The following ATP8A1 variants were observed in gnomAD, a reference collection of about 807,000 sequenced individuals.
The protein encoded by ATP8A1 is ATPase phospholipid transporting 8A1, also known as phospholipid-transporting ATPase IA.
In ATP8A1, 90 loss-of-function variants were observed where a neutral mutation model predicts 177.7. The observed-to-expected ratio is 0.51, with a 90% CI of 0.43 to 0.60. ATP8A1 has a LOEUF of 0.60. Among genes scored for constraint, ATP8A1 ranks in the 20% least tolerant of loss-of-function variants. The pLI is 0.00. For synonymous variants in ATP8A1, 493 were observed against 485.9 expected (o/e 1.01, Z -0.19); for missense variants, 1,072 against 1,392.8 (o/e 0.77, Z 3.67).
At position 42,446,080 on chromosome 4, in the gene ATP8A1, C is replaced by CAAAAAAAAAAAAAAAAAAA. The variant is rs11311245; in HGVS notation, c.2958+484_2958+502dup. On this transcript the variant is annotated intron_variant, in intron 31 of 36. Coordinates refer to ENST00000381668, the MANE Select transcript of ATP8A1 (RefSeq NM_006095.2). Reference sequence around the variant, plus strand: ...GGGCGACAAGAGTGAAACGCCCTCTCAAAAAAAAAAAAAAAAAAAGAGAAG... The same window carrying CAAAAAAAAAAAAAAAAAAA: ...GGGCGACAAGAGTGAAACGCCCTCTCAAAAAAAAAAAAAAAAAAAAAAAAAAAAAAAAAAAAAAGAGAAG... Among the ~76,000 whole-genome samples, 5 of 63,922 alleles carry CAAAAAAAAAAAAAAAAAAA rather than the reference C, an allele frequency of 7.8e-5. 1 individual carries two copies. Among genetic ancestry groups the CAAAAAAAAAAAAAAAAAAA allele is most frequent in the Non-Finnish European group, 1.3e-4 (4 of 30,536 alleles). 41.9% of individuals were successfully genotyped at this position (63,922 alleles called of 152,430 possible).
At chr4:42,425,751 C>T (rs924404732) in intron 33 of ATP8A1, among the ~76,000 whole-genome samples, 1 of 152,124 alleles carries the variant, frequency 6.6e-6, no homozygotes, top group African/African-American at 2.4e-5. Flanking sequence ...GCAGCCTGTT[C>T]GGGCCGAGCT....
intron 36 of ATP8A1, among the ~76,000 whole-genome samples, chr4:42,413,884 A>AGCT (rs1430750005): frequency 6.6e-6 from 1 of 152,260 alleles, no homozygotes; most frequent in Non-Finnish European, 1.5e-5. Context: ...AAACACAAAT[A>AGCT]GCTGCTCATG....
intron 1 of ATP8A1, among the ~76,000 whole-genome samples, chr4:42,652,400 A>G (rs569781836): frequency 1.3e-5 from 2 of 152,312 alleles, no homozygotes; most frequent in East Asian, 3.9e-4. Context: ...CCTACTACCA[A>G]TGTTATTACT....
chr4:42,451,041 T>C (rs953231008), intron 30 of ATP8A1, among the ~76,000 whole-genome samples: 2 of 152,056 alleles, frequency 1.3e-5, no homozygotes, highest in African/African-American at 2.4e-5. Flanking sequence ...TTCGAATATC[T>C]GTGAAGAATG....
rs749835968 is a variant in ATP8A1 at position 42,579,936 on chromosome 4, T to A, written c.877A>T (p.Ile293Phe). 49 of 1,612,214 alleles carry A rather than the reference T, an allele frequency of 3.0e-5. No homozygotes were observed. The South Asian group carries it at 4.7e-4, about 16-fold the overall frequency. Reference protein sequence around the residue: ...PPLKLSNVERITNVQILILFC... With the variant: ...PPLKLSNVERFTNVQILILFC... ...AAAATCAAAATTTGTACATTTGTAA[T>A]CCGTTCCACATTTGAGAGCTTAAGT... is the stretch of plus-strand genomic sequence containing the variant. Residue 293 changes from isoleucine to phenylalanine, a missense_variant, in exon 11 of 37, where the codon ATT becomes TTT. Around this residue, in one of 5 missense-constraint regions of ATP8A1, gnomAD observed 344 missense variants for 393.5 expected, o/e 0.87. Coordinates refer to ENST00000381668, the MANE Select transcript of ATP8A1 (RefSeq NM_006095.2).
intron 24 of ATP8A1, among the ~76,000 whole-genome samples, chr4:42,488,148 A>G (rs556590064): frequency 1.8e-3 from 278 of 152,344 alleles, no homozygotes; most frequent in Admixed American, 3.7e-3. Flanking sequence ...AAATGAACAA[A>G]TAAGTCAATG....
At chr4:42,577,841 G>T (rs1355657092) in intron 12 of ATP8A1, among the ~76,000 whole-genome samples, 1 of 152,108 alleles carries the variant, frequency 6.6e-6, no homozygotes, top group Non-Finnish European at 1.5e-5. Context: ...AAAGCTCTTT[G>T]CTATGTCAAG....
At chr4:42,483,739 C>T (rs1215335747) in intron 25 of ATP8A1, among the ~76,000 whole-genome samples, 2 of 152,122 alleles carry the variant, frequency 1.3e-5, no homozygotes, top group Admixed American at 6.6e-5. Flanking sequence ...GTGGGAGGTA[C>T]TGTGTTAAGC....
intron 25 of ATP8A1, 117 bp from the exon 26 acceptor site, chr4:42,465,193 T>G: frequency 1.1e-6 from 1 of 896,660 alleles, no homozygotes; most frequent in Non-Finnish European, 1.7e-6. Context: ...TGAAGAAACC[T>G]TATGATAAAG....
At chr4:42,458,615 C>T (rs1314853408) in intron 27 of ATP8A1, among the ~76,000 whole-genome samples, 2 of 152,214 alleles carry the variant, frequency 1.3e-5, no homozygotes, top group African/African-American at 2.4e-5. Flanking sequence ...ATTCGTCTGG[C>T]TGTAATTTAC....
At chr4:42,549,407 AG>A (rs1415879954) in intron 18 of ATP8A1, among the ~76,000 whole-genome samples, 6 of 151,160 alleles carry the variant, frequency 4.0e-5, no homozygotes, top group Non-Finnish European at 8.8e-5. Flanking sequence ...AAAGTATACT[AG>A]AAAGTATGGG....
chr4:42,545,159 CAAAAAAAAA>C (rs150594728), intron 19 of ATP8A1, among the ~76,000 whole-genome samples: 1 of 83,694 alleles, frequency 1.2e-5, no homozygotes, highest in Admixed American at 1.2e-4. Context: ...GACTCCGTCT[CAAAAAAAAA>C]AAAAAAAAAA....
chr4:42,449,180 A>AGTCTC (rs1490300012), intron 30 of ATP8A1, among the ~76,000 whole-genome samples: 5 of 152,186 alleles, frequency 3.3e-5, no homozygotes, highest in African/African-American at 1.2e-4. Context: ...ATGATTCTGC[A>AGTCTC]GTCTCTGGTT....
intron 1 of ATP8A1, 108 bp downstream of exon 1, chr4:42,656,717 C>T (rs2109605145): frequency 3.1e-6 from 4 of 1,299,334 alleles, no homozygotes; most frequent in Middle Eastern, 2.0e-4. Context: ...AGTCGGACTG[C>T]CGCCGGGGAA....
rs1553883661 is a variant in ATP8A1 at position 42,480,006 on chromosome 4, G to GTGTGTGTGTGTGTGTGTGTT, written c.2324+5489_2324+5490insAACACACACACACACACACA. On this transcript the variant is annotated intron_variant, in intron 25 of 36. Transcript: ENST00000381668. ...AATCTGCAGTTCTGCTTGTGTGTGT[G>GTGTGTGTGTGTGTGTGTGTT]TGTGTGTGTGTGTGTGTGTGTGTGT... Among the ~76,000 whole-genome samples the GTGTGTGTGTGTGTGTGTGTT allele has an allele frequency of 1.3e-4, 19 of 149,652 alleles. No homozygotes were observed. In the South Asian group the frequency reaches 1.3e-3, roughly 10 times the overall value.
intron 3 of ATP8A1, 35 bp downstream of exon 3, chr4:42,625,579 T>C (rs1166295735): frequency 2.8e-6 from 4 of 1,429,092 alleles, no homozygotes; most frequent in Non-Finnish European, 2.9e-6. Flanking sequence ...TATTAGTACC[T>C]GAACATTTGA....
intron 22 of ATP8A1, among the ~76,000 whole-genome samples, chr4:42,507,762 T>TAAAAAAAAAAAAAAAA (rs1560402485): frequency 6.7e-5 from 1 of 14,878 alleles, no homozygotes; most frequent in Non-Finnish European, 1.5e-4. Flanking sequence ...AAAAGTCAGT[T>TAAAAAAAAAAAAAAAA]AAAAAGGACA....
At chr4:42,423,227 CT>C (rs1223831075) in intron 34 of ATP8A1, among the ~76,000 whole-genome samples, 1 of 151,640 alleles carries the variant, frequency 6.6e-6, no homozygotes, top group Non-Finnish European at 1.5e-5. Context: ...GTAAGGTTTT[CT>C]TTTCTTTCAT....
At chr4:42,551,071 C>A (rs1729454218) in intron 18 of ATP8A1, 127 bp downstream of exon 18, 1 of 691,456 alleles carries the variant, frequency 1.4e-6, no homozygotes. Flanking sequence ...GCTAAAAGAA[C>A]ACCCAGTAGT....
Sources: gnomAD v4.1 joint callset for allele counts (sites outside exome capture counted in the v4.1 genomes callset) on GRCh38, gnomAD v4.1.1 for gene constraint, gnomAD v4.1.1 regional missense constraint, MANE v1.5 for transcripts, NCBI Gene and HGNC (gene_info 2026-07-23, HGNC 2026-07-21) for gene names.